Variants in SLCO1B3 observed in about 807,000 individuals in gnomAD.
SLCO1B3 encodes solute carrier organic anion transporter family member 1B3.
A neutral mutation model predicts 71.8 loss-of-function variants in SLCO1B3; 72 were observed. The observed-to-expected ratio is 1.00, with a 90% CI of 0.83 to 1.22. SLCO1B3 has a LOEUF of 1.22. Among genes scored for constraint, SLCO1B3 ranks in the 50% most tolerant of loss-of-function variants. SLCO1B3 has a pLI of 0.00. For synonymous variants in SLCO1B3, 298 were observed against 278.4 expected (o/e 1.07, Z -0.70); for missense variants, 911 against 819.7 (o/e 1.11, Z -1.36).
intron 3 of SLCO1B3, among the ~76,000 whole-genome samples, chr12:20,822,901 C>T (rs1864346155): frequency 6.6e-6 from 1 of 151,964 alleles, no homozygotes; most frequent in African/African-American, 2.4e-5. Flanking sequence ...CATACCCCTG[C>T]CTTTTTCCTT....
At chr12:20,852,263 C>T (rs1369840736) in intron 3 of SLCO1B3, among the ~76,000 whole-genome samples, 35 of 152,020 alleles carry the variant, frequency 2.3e-4, no homozygotes, top group Admixed American at 2.3e-3. Flanking sequence ...TCACTTGAGG[C>T]CAGAAGTTTG....
intron 13 of SLCO1B3, among the ~76,000 whole-genome samples, chr12:20,888,399 G>C (rs79040900): frequency 6.6e-6 from 1 of 151,588 alleles, no homozygotes; most frequent in Non-Finnish European, 1.5e-5. Context: ...AGTTCTCCTC[G>C]TAGAGACTTT....
At chr12:20,845,200 A>G in intron 3 of SLCO1B3, 3 of 467,636 alleles carry the variant, frequency 6.4e-6, no homozygotes, top group South Asian at 3.3e-5. Context: ...TGGGAGAAGC[A>G]GATCTACACA....
rs1293858772 is a variant in SLCO1B3, at chr12:20,915,993, T to C, written c.1866-11T>C. ...AAATAATAATCGACTCTCTATTTTC[T>C]CTTTTCACAGAAGGGTCTACTTGGG... On this transcript the variant is annotated splice_polypyrimidine_tract_variant and intron_variant, in intron 15 of 15. Coordinates refer to ENST00000381545, the MANE Select transcript of SLCO1B3 (RefSeq NM_019844.4). 2 of 1,572,616 alleles carry C rather than the reference T, an allele frequency of 1.3e-6. No individual in the cohort carries two copies. Among genetic ancestry groups the C allele is most frequent in the Non-Finnish European group, 1.7e-6 (2 of 1,157,122 alleles).
At chr12:20,866,601 G>C (rs1428398776) in intron 8 of SLCO1B3, among the ~76,000 whole-genome samples, 1 of 152,076 alleles carries the variant, frequency 6.6e-6, no homozygotes, top group Admixed American at 6.6e-5. Flanking sequence ...AAAAGTGTCA[G>C]TATAACAGGA....
intron 5 of SLCO1B3, among the ~76,000 whole-genome samples, chr12:20,859,171 A>G (rs73233619): frequency 0.01 from 1,525 of 152,346 alleles, 24 homozygotes; most frequent in African/African-American, 0.034. Context: ...TTTCCAGGCA[A>G]CAGGATAGAA....
intron 15 of SLCO1B3, among the ~76,000 whole-genome samples, chr12:20,909,050 A>C (rs1591793591): frequency 6.6e-6 from 1 of 151,926 alleles, no homozygotes; most frequent in African/African-American, 2.4e-5. Flanking sequence ...TCCACATCTA[A>C]TGTCTAGTGT....
intron 1 of SLCO1B3, among the ~76,000 whole-genome samples, chr12:20,811,896 A>G (rs1334885769): frequency 7.0e-6 from 1 of 142,646 alleles, no homozygotes; most frequent in Non-Finnish European, 1.5e-5. Flanking sequence ...CTTTGTACTT[A>G]CTTGATACAT....
intron 15 of SLCO1B3, 117 bp downstream of exon 15, chr12:20,901,584 A>G: frequency 1.8e-6 from 1 of 567,064 alleles, no homozygotes; most frequent in Admixed American, 3.5e-5. Context: ...TTAGTGAACA[A>G]TTACTTTGTA....
chr12:20,877,476 AGGT>A (rs2121297869), intron 9 of SLCO1B3, among the ~76,000 whole-genome samples: 2 of 149,104 alleles, frequency 1.3e-5, no homozygotes, highest in African/African-American at 5.2e-5. Flanking sequence ...AATTGCTCTC[AGGT>A]AGCATAATGT....
chr12:20,892,876 A>G (rs1865931925), intron 13 of SLCO1B3, among the ~76,000 whole-genome samples: 1 of 152,188 alleles, frequency 6.6e-6, no homozygotes, highest in South Asian at 2.1e-4. Flanking sequence ...TCTTTCCTCC[A>G]GGGATGCAGC....
intron 1 of SLCO1B3, among the ~76,000 whole-genome samples, chr12:20,811,658 C>T (rs867277965): frequency 1.3e-5 from 2 of 152,154 alleles, no homozygotes; most frequent in South Asian, 2.1e-4. Context: ...GAAGAACTGA[C>T]CTGTTCTGTT....
chr12:20,862,179 G>T (rs558471416), intron 6 of SLCO1B3, among the ~76,000 whole-genome samples: 1 of 152,184 alleles, frequency 6.6e-6, no homozygotes, highest in African/African-American at 2.4e-5. Context: ...AAATGCAGAA[G>T]ATCTAGAATA....
intron 8 of SLCO1B3, among the ~76,000 whole-genome samples, chr12:20,869,069 A>T (rs1278833890): frequency 6.6e-6 from 1 of 152,136 alleles, no homozygotes; most frequent in Non-Finnish European, 1.5e-5. Flanking sequence ...AGGCCTCTGG[A>T]TAACTGCGGG....
intron 3 of SLCO1B3, among the ~76,000 whole-genome samples, chr12:20,845,883 T>C (rs1407007623): frequency 2.0e-5 from 3 of 152,334 alleles, no homozygotes; most frequent in African/African-American, 4.8e-5. Flanking sequence ...AATTGTTTTA[T>C]GAATCTGGGA....
rs114056404 is a variant in SLCO1B3, at chr12:20,899,474, G to A, written c.1747+974G>A. On this transcript the variant is annotated intron_variant, in intron 14 of 15. Transcript: ENST00000381545. ...AGTATAACTCTATGGCCAAATTACC[G>A]TGAAGAAGTTGTACATGAAGTGTAT... Among the ~76,000 whole-genome samples, 599 of 152,240 alleles carry A rather than the reference G, an allele frequency of 3.9e-3. 4 individuals carry two copies. Among genetic ancestry groups the A allele is most frequent in the African/African-American group, 0.014 (572 of 41,532 alleles).
chr12:20,870,133 T>A (rs1029520973), intron 8 of SLCO1B3, among the ~76,000 whole-genome samples: 10 of 152,226 alleles, frequency 6.6e-5, no homozygotes, highest in African/African-American at 2.2e-4. Context: ...ATACCTTCTT[T>A]GGAGAAATTT....
At chr12:20,822,764 A>T (rs1463039187) in intron 3 of SLCO1B3, among the ~76,000 whole-genome samples, 1 of 152,034 alleles carries the variant, frequency 6.6e-6, no homozygotes, top group African/African-American at 2.4e-5. Context: ...CTACCTGTGG[A>T]AATATTTAAC....
chr12:20,873,826 G>A (rs1408145262), intron 8 of SLCO1B3, among the ~76,000 whole-genome samples: 1 of 152,076 alleles, frequency 6.6e-6, no homozygotes, highest in Non-Finnish European at 1.5e-5. Context: ...TCTTCTCAGT[G>A]TTCAGCTCCT....
Sources: allele counts gnomAD v4.1 joint callset (sites outside exome capture counted in the v4.1 genomes callset), GRCh38; gene constraint gnomAD v4.1.1; transcripts MANE v1.5; gene names NCBI Gene and HGNC (gene_info 2026-07-23, HGNC 2026-07-21).